Variants in PIWIL4 observed in about 807,000 individuals in gnomAD.
The protein encoded by PIWIL4 is piwi-like protein 4.
Under a neutral mutation model 100.9 loss-of-function variants are expected in PIWIL4, and 50 were observed. That is an observed-to-expected ratio of 0.50 (90% CI 0.39 to 0.63). The LOEUF (loss-of-function observed/expected upper bound fraction) is 0.63. PIWIL4 is among the 20% of genes least tolerant of loss of function. PIWIL4 has a pLI of 0.00. For synonymous variants in PIWIL4, 342 were observed against 367.5 expected, an observed-to-expected ratio of 0.93 and a Z score of 0.79; for missense variants, 887 against 1,043.3, an observed-to-expected ratio of 0.85 and a Z score of 2.06.
chr11:94,570,562 G>A (rs1163696676), intron 2 of PIWIL4, among the ~76,000 whole-genome samples: 1 of 151,998 alleles, frequency 6.6e-6, no homozygotes, highest in East Asian at 1.9e-4. Flanking sequence ...TATGAATTTT[G>A]GGGGAACACA....
intron 4 of PIWIL4, among the ~76,000 whole-genome samples, chr11:94,583,044 A>ATATATG (rs375649763): frequency 7.5e-6 from 1 of 133,796 alleles, no homozygotes; most frequent in Admixed American, 7.4e-5. Context: ...ATATATATAT[A>ATATATG]TGTGTGTGTG....
intron 13 of PIWIL4, 98 bp downstream of exon 13, chr11:94,604,154 T>G: frequency 4.9e-6 from 3 of 606,836 alleles, no homozygotes; most frequent in East Asian, 3.3e-5. Context: ...TATTTGCAAA[T>G]TGCCATGCAT....
chr11:94,601,859 A>G lies in PIWIL4; in HGVS notation c.1445A>G (p.Gln482Arg), dbSNP rs559690860. Residue 482 changes from glutamine (Q) to arginine (R), a missense_variant, in exon 12 of 20, where the codon CAG (glutamine) becomes CGG (arginine). Physicochemically the swap from Gln to Arg is conservative, Grantham distance 43 (BLOSUM62 1). Transcript: ENST00000299001. ...CGAACTTGCAAGATTTTAAATGCAC[A>G]GTCTTTGAATACCTGGTTGATTTTA... The part of the protein sequence containing the change: ...DIRTCKILNA[Q>R]SLNTWLILCS... 6.2e-7 allele frequency: 1 copy of G among 1,614,160 alleles called. No individual in the cohort carries two copies.
intron 11 of PIWIL4, among the ~76,000 whole-genome samples, chr11:94,600,413 T>C (rs1393824735): frequency 6.6e-6 from 1 of 152,082 alleles, no homozygotes; most frequent in African/African-American, 2.4e-5. Flanking sequence ...GTAGGTTCCA[T>C]GATGCCCCAC....
rs1028270868 is a variant in PIWIL4 at position 94,620,007 on chromosome 11, T to C, written c.2305T>C (p.Tyr769His). Residue 769 changes from tyrosine to histidine, a missense_variant, in exon 19 of 20, where the codon TAT (tyrosine) becomes CAT (histidine). Physicochemically the swap from Tyr to His is moderately conservative, Grantham distance 83. Around this residue, in one of 2 missense-constraint regions of PIWIL4, gnomAD observed 741 missense variants for 930.0 expected, o/e 0.80. Coordinates refer to ENST00000299001, the MANE Select transcript of PIWIL4 (RefSeq NM_152431.3). ...CATTTTCCCCCTCAGGTATGACTTT[T>C]ATCTGATCAGCCAGGTGGCCTGCCG... is the stretch of plus-strand genomic sequence containing the variant. The part of the protein sequence containing the change: ...EATRNEWYDF[Y>H]LISQVACRGT... 1 of 1,614,080 alleles carries C rather than the reference T, an allele frequency of 6.2e-7. No individual in the cohort carries two copies. Among genetic ancestry groups the C allele is most frequent in the Non-Finnish European group, 8.5e-7 (1 of 1,180,044 alleles).
At chr11:94,567,802 C>T (rs899759393) in intron 1 of PIWIL4, 197 bp downstream of exon 1, 9 of 1,211,698 alleles carry the variant, frequency 7.4e-6, no homozygotes, top group South Asian at 7.1e-5. Context: ...AAGATATTAA[C>T]GTAGGTATAT....
At chr11:94,618,989 G>C (rs1396822054) in intron 17 of PIWIL4, among the ~76,000 whole-genome samples, 1 of 152,178 alleles carries the variant, frequency 6.6e-6, no homozygotes, top group African/African-American at 2.4e-5. Context: ...TGTTTATTAA[G>C]AATCACAGGT....
At chr11:94,618,635 T>G (rs866708677) in intron 17 of PIWIL4, among the ~76,000 whole-genome samples, 3 of 152,302 alleles carry the variant, frequency 2.0e-5, no homozygotes, top group South Asian at 2.1e-4. Flanking sequence ...TTGTCTGTGT[T>G]TCAGTACAAA....
At chr11:94,568,594 C>T in intron 1 of PIWIL4, 136 bp from the exon 2 acceptor site, 2 of 644,340 alleles carry the variant, frequency 3.1e-6, no homozygotes, top group Non-Finnish European at 5.5e-6. Context: ...CTTCTCATCT[C>T]TCAAGGGTTT....
At chr11:94,615,784 C>T (rs1005212163) in intron 15 of PIWIL4, among the ~76,000 whole-genome samples, 5 of 152,098 alleles carry the variant, frequency 3.3e-5, no homozygotes, top group Admixed American at 1.3e-4. Flanking sequence ...ACTATAGGCA[C>T]GCGCCACCAC....
intron 2 of PIWIL4, among the ~76,000 whole-genome samples, chr11:94,572,274 C>A (rs564144581): frequency 0.028 from 4,282 of 152,258 alleles, 211 homozygotes; most frequent in African/African-American, 0.097. Context: ...TTTTGCTGTG[C>A]AGAAGCTCTT....
rs930292001 is a variant in PIWIL4, at chr11:94,619,793, G to A, written c.2202G>A (p.Lys734=). Residue 734 remains lysine, a synonymous_variant, in exon 18 of 20, where the codon AAG becomes AAA. Transcript: ENST00000299001. The part of the protein sequence containing the change: ...SRLSVIVVRK[K]CMPRFFTEMN... ...TGTCGGTGATTGTGGTCAGGAAGAA[G>A]TGCATGCCACGATTCTTTACCGAAA... 3.1e-6 allele frequency: 5 copies of A among 1,614,040 alleles called. No homozygotes were observed. In the African/African-American group the frequency reaches 6.7e-5, roughly 22 times the overall value.
intron 2 of PIWIL4, among the ~76,000 whole-genome samples, chr11:94,574,777 TG>T: frequency 6.6e-6 from 1 of 152,210 alleles, no homozygotes; most frequent in Non-Finnish European, 1.5e-5. Flanking sequence ...TCACGACATC[TG>T]GCCAAGATCT....
chr11:94,589,973 G>A (rs370902294), intron 8 of PIWIL4, among the ~76,000 whole-genome samples: 8 of 152,236 alleles, frequency 5.3e-5, no homozygotes, highest in East Asian at 1.9e-4. Flanking sequence ...AGCTCTAGCC[G>A]CATTTGCAAC....
At chr11:94,613,848 C>T (rs559295745) in intron 15 of PIWIL4, among the ~76,000 whole-genome samples, 14 of 152,172 alleles carry the variant, frequency 9.2e-5, no homozygotes, top group Middle Eastern at 3.4e-3. Context: ...CTGCAACCTC[C>T]GCCTCCTGGG....
At chr11:94,613,760 C>T (rs1948812365) in intron 15 of PIWIL4, among the ~76,000 whole-genome samples, 1 of 152,142 alleles carries the variant, frequency 6.6e-6, no homozygotes, top group South Asian at 2.1e-4. Context: ...TCTTCAGCTC[C>T]AGAATTTCTG....
At chr11:94,619,498 A>C (rs1948882783) in intron 17 of PIWIL4, among the ~76,000 whole-genome samples, 1 of 152,212 alleles carries the variant, frequency 6.6e-6, no homozygotes, top group Non-Finnish European at 1.5e-5. Flanking sequence ...GAAGTTCAGC[A>C]TTCCTTCCTG....
At chr11:94,594,497 T>G (rs1376561363) in intron 9 of PIWIL4, among the ~76,000 whole-genome samples, 1 of 151,444 alleles carries the variant, frequency 6.6e-6, no homozygotes, top group Non-Finnish European at 1.5e-5. Context: ...AAAGAAAAAT[T>G]AATGAGGATA....
chr11:94,586,650 C>G (rs1347821262), intron 6 of PIWIL4, among the ~76,000 whole-genome samples: 2 of 152,174 alleles, frequency 1.3e-5, no homozygotes, highest in African/African-American at 2.4e-5. Flanking sequence ...ACATTTCCCC[C>G]CCCTCTTCAG....
Sources: gnomAD v4.1 joint callset for allele counts (sites outside exome capture counted in the v4.1 genomes callset) on GRCh38, gnomAD v4.1.1 for gene constraint, gnomAD v4.1.1 regional missense constraint, MANE v1.5 for transcripts, NCBI Gene and HGNC (gene_info 2026-07-23, HGNC 2026-07-21) for gene names.